The following DLC1 variants were observed in gnomAD, a reference collection of about 807,000 sequenced individuals.
DLC1 encodes rho GTPase-activating protein 7.
Under a neutral mutation model 140.3 loss-of-function variants are expected in DLC1, and 54 were observed. The observed-to-expected ratio is 0.38, with a 90% CI of 0.31 to 0.48. The LOEUF (loss-of-function observed/expected upper bound fraction) is 0.48. Among genes scored for constraint, DLC1 ranks in the 20% least tolerant of loss-of-function variants. The probability of loss-of-function intolerance (pLI) is 0.96; values close to 1 mark genes in which losing one functional copy is unlikely to be tolerated. For missense variants in DLC1, 2,536 were observed against 1,907.0 expected (o/e 1.33, Z -6.14); for synonymous variants, 986 against 728.1 (o/e 1.35, Z -5.70).
Position 13,100,633 on chromosome 8 carries a change from G to C in DLC1, c.1704C>G (p.Asp568Glu). 6.2e-7 allele frequency: 1 copy of C among 1,614,064 alleles called. No homozygotes were observed. Among genetic ancestry groups the C allele is most frequent in the Non-Finnish European group, 8.5e-7 (1 of 1,179,946 alleles). The change falls in exon 9 of 18, where the codon GAC (aspartate) becomes GAG (glutamate). Residue 568 changes from aspartate to glutamate, a missense_variant. Asp to Glu is a conservative substitution (Grantham distance 45, BLOSUM62 2). Coordinates refer to ENST00000276297, the MANE Select transcript of DLC1 (RefSeq NM_182643.3). ...PKQDLVPGSP[D>E]DSHPKDGPSP... Reference sequence around the variant, plus strand: ...TGGGGCCGTCCTTCGGGTGGGAGTCGTCTGGGGACCCAGGGACCAGGTCTT... The same window carrying C: ...TGGGGCCGTCCTTCGGGTGGGAGTCCTCTGGGGACCCAGGGACCAGGTCTT...
chr8:13,088,739 A>G, intron 15 of DLC1, 35 bp from the exon 16 acceptor site: 2 of 1,600,564 alleles, frequency 1.2e-6, no homozygotes, highest in Non-Finnish European at 1.7e-6. Flanking sequence ...TGCCAAGGCA[A>G]TCCATACACA....
chr8:13,376,371 A>C (rs1835986885), intron 4 of DLC1, among the ~76,000 whole-genome samples: 1 of 152,166 alleles, frequency 6.6e-6, no homozygotes, highest in African/African-American at 2.4e-5. Context: ...TATTCCTCTA[A>C]GTAAGCACTC....
At position 13,529,653 on chromosome 8, in the gene DLC1, C is replaced by G. The variant is rs78898034; in HGVS notation, c.-125-29457G>C. The stretch of plus-strand genomic sequence containing the variant: ...TCTCTTATATTTAAGAAAGTCATTC[C>G]TTGCAACTGAGAGAGAGCCTCCGAA... On this transcript the variant is annotated intron_variant, in intron 1 of 1. Transcript: ENST00000631382. Among the ~76,000 whole-genome samples the G allele has an allele frequency of 5.3e-4, 81 of 152,154 alleles. 1 individual carries two copies. The East Asian group carries it at 0.012, about 23-fold the overall frequency.
chr8:13,098,431 T>A lies in DLC1; in HGVS notation c.3135A>T (p.Lys1045Asn). ...SLLKLTALLE[K>N]YTPSNKHGFS... ...AACCATGCTTGTTAGAAGGTGTGTA[T>A]TTCTCCAGCAGGGCCGTTAGCTTTA... The change falls in exon 10 of 18, where the codon AAA becomes AAT. Residue 1045 changes from lysine to asparagine, a missense_variant. Lys to Asn is a moderately conservative substitution (Grantham distance 94). Coordinates refer to ENST00000276297, the MANE Select transcript of DLC1 (RefSeq NM_182643.3). 1.2e-6 allele frequency: 2 copies of A among 1,614,164 alleles called. No individual in the cohort carries two copies. Among genetic ancestry groups the A allele is most frequent in the Non-Finnish European group, 1.7e-6 (2 of 1,180,018 alleles).
intron 2 of DLC1, among the ~76,000 whole-genome samples, chr8:13,408,271 T>A (rs937591024): frequency 6.6e-6 from 1 of 152,238 alleles, no homozygotes; most frequent in Non-Finnish European, 1.5e-5. Flanking sequence ...TGATGATGGA[T>A]AGATAATATT....
At chr8:13,149,978 G>A (rs1228215945) in intron 5 of DLC1, among the ~76,000 whole-genome samples, 1 of 152,164 alleles carries the variant, frequency 6.6e-6, no homozygotes, top group African/African-American at 2.4e-5. Context: ...AATAATAGGC[G>A]TTTCTCAAGA....
At chr8:13,313,940 A>G (rs1250301179) in intron 4 of DLC1, among the ~76,000 whole-genome samples, 2 of 152,098 alleles carry the variant, frequency 1.3e-5, no homozygotes, top group East Asian at 1.9e-4. Context: ...CAGTGATGAT[A>G]TTCTACTTGG....
intron 2 of DLC1, among the ~76,000 whole-genome samples, chr8:13,443,343 TA>T (rs58765529): frequency 0.34 from 41,636 of 123,046 alleles, 6,836 homozygotes; most frequent in East Asian, 0.64. Flanking sequence ...CCCTAAAACT[TA>T]AAAAAAAAAA....
intron 5 of DLC1, among the ~76,000 whole-genome samples, chr8:13,123,760 T>A (rs1226074089): frequency 6.6e-6 from 1 of 152,222 alleles, no homozygotes; most frequent in Non-Finnish European, 1.5e-5. Context: ...TCTTTGTCCA[T>A]TTTATTCTGT....
intron 5 of DLC1, among the ~76,000 whole-genome samples, chr8:13,166,240 G>A (rs1218842908): frequency 4.6e-5 from 7 of 152,142 alleles, no homozygotes; most frequent in Non-Finnish European, 8.8e-5. Context: ...TGTGTCTGCC[G>A]TTGCTCCTGC....
intron 5 of DLC1, among the ~76,000 whole-genome samples, chr8:13,177,806 A>G (rs1358938097): frequency 3.9e-5 from 6 of 152,190 alleles, no homozygotes; most frequent in Admixed American, 3.3e-4. Flanking sequence ...AGAATGGAAA[A>G]TGCTGAATCA....
intron 5 of DLC1, among the ~76,000 whole-genome samples, chr8:13,208,728 A>G (rs1012203445): frequency 1.6e-4 from 18 of 113,182 alleles, no homozygotes; most frequent in Non-Finnish European, 2.9e-4. Flanking sequence ...CACACACCAC[A>G]CACACACATA....
chr8:13,541,115 T>A (rs1803469769), intron 1 of DLC1, among the ~76,000 whole-genome samples: 1 of 152,216 alleles, frequency 6.6e-6, no homozygotes, highest in Non-Finnish European at 1.5e-5. Flanking sequence ...CCTGTCCAGA[T>A]CATTGTGCAT....
intron 5 of DLC1, among the ~76,000 whole-genome samples, chr8:13,262,908 T>C (rs1202925147): frequency 6.6e-6 from 1 of 152,306 alleles, no homozygotes; most frequent in African/African-American, 2.4e-5. Context: ...GAATCTCTCT[T>C]AGTAGATGCT....
At chr8:13,506,983 C>T (rs1364401525) in intron 1 of DLC1, among the ~76,000 whole-genome samples, 2 of 151,892 alleles carry the variant, frequency 1.3e-5, no homozygotes, top group Non-Finnish European at 2.9e-5. Flanking sequence ...CGTATGTGCC[C>T]CCAAAACACT....
At chr8:13,331,921 C>A (rs1282074282) in intron 4 of DLC1, among the ~76,000 whole-genome samples, 1 of 152,122 alleles carries the variant, frequency 6.6e-6, no homozygotes, top group African/African-American at 2.4e-5. Context: ...TAGACGCTTT[C>A]TTGACATAAC....
intron 4 of DLC1, among the ~76,000 whole-genome samples, chr8:13,380,397 C>T (rs558663001): frequency 5.9e-5 from 9 of 152,306 alleles, no homozygotes; most frequent in Admixed American, 2.6e-4. Context: ...CTGACCATTT[C>T]ATGTGTTCTA....
intron 5 of DLC1, among the ~76,000 whole-genome samples, chr8:13,169,779 T>A (rs370391473): frequency 3.3e-5 from 5 of 152,236 alleles, no homozygotes; most frequent in African/African-American, 1.2e-4. Context: ...ATCCCAGCAT[T>A]TTGGGAGGCC....
intron 5 of DLC1, among the ~76,000 whole-genome samples, chr8:13,217,190 G>A (rs562508091): frequency 7.4e-4 from 112 of 152,236 alleles, no homozygotes; most frequent in African/African-American, 2.6e-3. Flanking sequence ...GTATAGCTGT[G>A]AGATGCTTGC....
Sources: gnomAD v4.1 joint callset for allele counts (sites outside exome capture counted in the v4.1 genomes callset) on GRCh38, gnomAD v4.1.1 for gene constraint, MANE v1.5 for transcripts, NCBI Gene and HGNC (gene_info 2026-07-23, HGNC 2026-07-21) for gene names.